PDE1A: variants seen among roughly 807,000 people sequenced by gnomAD.
PDE1A encodes phosphodiesterase 1A.
Under a neutral mutation model 61.7 loss-of-function variants are expected in PDE1A, and 35 were observed. The ratio of observed to expected loss-of-function variants is 0.57; its 90% CI spans 0.43 to 0.75. The LOEUF (loss-of-function observed/expected upper bound fraction) is 0.75, where lower values mean the gene tolerates loss of function less well. PDE1A is among the 30% of genes least tolerant of loss of function. The pLI, the probability that PDE1A is intolerant of heterozygous loss-of-function variation, is 0.00. For missense variants in PDE1A, 597 were observed against 630.6 expected, an observed-to-expected ratio of 0.95 and a Z score of 0.57; for synonymous variants, 232 against 213.2, an observed-to-expected ratio of 1.09 and a Z score of -0.77.
intron 13 of PDE1A, among the ~76,000 whole-genome samples, chr2:182,156,861 G>A (rs1017647341): frequency 6.6e-6 from 1 of 151,812 alleles, no homozygotes; most frequent in African/African-American, 2.4e-5. Flanking sequence ...ATAATGAGAA[G>A]TTATTTTATT....
At chr2:182,483,489 G>A (rs1687827556) in intron 2 of PDE1A, among the ~76,000 whole-genome samples, 1 of 151,614 alleles carries the variant, frequency 6.6e-6, no homozygotes, top group Admixed American at 6.6e-5. Context: ...ATTAGAAACT[G>A]ACAACATAAA....
chr2:182,268,434 T>A (rs1304316680), intron 1 of PDE1A, among the ~76,000 whole-genome samples: 1 of 152,046 alleles, frequency 6.6e-6, no homozygotes, highest in Non-Finnish European at 1.5e-5. Context: ...TATACAAGGA[T>A]ACACACAAAA....
chr2:182,408,286 T>C (rs921124215), intron 1 of PDE1A, among the ~76,000 whole-genome samples: 2 of 151,568 alleles, frequency 1.3e-5, no homozygotes, highest in East Asian at 3.9e-4. Flanking sequence ...GGACTACCCA[T>C]GGATTTTGCA....
At chr2:182,519,772 G>C (rs1456958229) in intron 2 of PDE1A, among the ~76,000 whole-genome samples, 2 of 151,576 alleles carry the variant, frequency 1.3e-5, no homozygotes, top group Non-Finnish European at 3.0e-5. Context: ...TACCTGTAAT[G>C]GTTCATGATT....
At chr2:182,513,658 G>T (rs985264377) in intron 2 of PDE1A, among the ~76,000 whole-genome samples, 2 of 152,208 alleles carry the variant, frequency 1.3e-5, no homozygotes, top group Non-Finnish European at 2.9e-5. Flanking sequence ...TGGCAAGTTG[G>T]ATAAAGAAGC....
the PDE1A span, among the ~76,000 whole-genome samples, chr2:182,573,972 T>C: frequency 9.8e-5 from 14 of 142,744 alleles, no homozygotes; most frequent in East Asian, 2.0e-4. Flanking sequence ...TATTTTTTTA[T>C]ACACACACAC....
At chr2:182,254,651 G>GA (rs904465848) in intron 2 of PDE1A, among the ~76,000 whole-genome samples, 30 of 152,156 alleles carry the variant, frequency 2.0e-4, no homozygotes, top group African/African-American at 7.0e-4. Context: ...TCTTCCACGT[G>GA]AAAAAAACAA....
intron 2 of PDE1A, among the ~76,000 whole-genome samples, chr2:182,257,478 T>C (rs1231189368): frequency 1.3e-5 from 2 of 152,160 alleles, no homozygotes; most frequent in Non-Finnish European, 2.9e-5. Context: ...AAGTAAGGGC[T>C]CTCCTTTGGC....
At chr2:182,624,124 C>CA in the PDE1A span, among the ~76,000 whole-genome samples, 56,727 of 109,688 alleles carry the variant, frequency 0.52, 13,272 homozygotes, top group East Asian at 0.62. Flanking sequence ...GACTCCGTCT[C>CA]AAAAAAAAAA....
intron 1 of PDE1A, among the ~76,000 whole-genome samples, chr2:182,359,234 T>C (rs1699366851): frequency 6.6e-6 from 1 of 152,160 alleles, no homozygotes; most frequent in South Asian, 2.1e-4. Context: ...AAACTGATAA[T>C]AACCAGAATC....
intron 2 of PDE1A, among the ~76,000 whole-genome samples, chr2:182,244,998 C>A (rs1203045262): frequency 6.6e-6 from 1 of 152,184 alleles, no homozygotes; most frequent in East Asian, 1.9e-4. Flanking sequence ...CTTCATCTGC[C>A]TATGCATGCA....
chr2:182,479,685 G>A (rs1357384533), intron 2 of PDE1A, among the ~76,000 whole-genome samples: 1 of 151,854 alleles, frequency 6.6e-6, no homozygotes, highest in South Asian at 2.1e-4. Context: ...TAGCATTTCA[G>A]TCTTTATCAT....
chr2:182,243,304 T>C (rs1455330147), intron 2 of PDE1A, among the ~76,000 whole-genome samples: 1 of 152,160 alleles, frequency 6.6e-6, no homozygotes, highest in East Asian at 1.9e-4. Flanking sequence ...GATATAAGGT[T>C]AATTATGAGA....
At chr2:182,659,201 T>C in the PDE1A span, among the ~76,000 whole-genome samples, 3 of 152,340 alleles carry the variant, frequency 2.0e-5, no homozygotes, top group South Asian at 4.1e-4. Flanking sequence ...TGAATATTTC[T>C]ATTCTGAATA....
chr2:182,145,545 C>T (rs753711963), downstream of PDE1A, among the ~76,000 whole-genome samples: 2 of 151,804 alleles, frequency 1.3e-5, no homozygotes. Flanking sequence ...CTGGGCAACA[C>T]GCTGAAACCC....
At chr2:182,395,037 C>T (rs992445890) in intron 1 of PDE1A, among the ~76,000 whole-genome samples, 1 of 152,198 alleles carries the variant, frequency 6.6e-6, no homozygotes, top group African/African-American at 2.4e-5. Flanking sequence ...TTATCATGAG[C>T]TTAACCAAGT....
At chr2:182,241,374 C>T (rs746676674) in intron 2 of PDE1A, among the ~76,000 whole-genome samples, 3 of 152,198 alleles carry the variant, frequency 2.0e-5, no homozygotes, top group African/African-American at 4.8e-5. Flanking sequence ...TTTTGAAAAT[C>T]TCTTTGCCCA....
At chr2:182,218,033 T>C (rs1301831638) in intron 7 of PDE1A, among the ~76,000 whole-genome samples, 81 of 148,664 alleles carry the variant, frequency 5.4e-4, no homozygotes, top group South Asian at 6.4e-4. Context: ...TGTCCAACAA[T>C]GATAGACTGG....
At chr2:182,167,315 C>A (rs1384807634), downstream of PDE1A, among the ~76,000 whole-genome samples, 1 of 152,142 alleles carries the variant, frequency 6.6e-6, no homozygotes, top group Non-Finnish European at 1.5e-5. Context: ...TACAAACATT[C>A]TTTACTGAGA....
Sources: gnomAD v4.1 joint callset for allele counts (sites outside exome capture counted in the v4.1 genomes callset) on GRCh38, gnomAD v4.1.1 for gene constraint, MANE v1.5 for transcripts, NCBI Gene and HGNC (gene_info 2026-07-23, HGNC 2026-07-21) for gene names.